The following RNF216 variants were observed in gnomAD, a reference collection of about 807,000 sequenced individuals.
RNF216 encodes the protein ring finger protein 216.
In RNF216, 72 loss-of-function variants were observed where a neutral mutation model predicts 110.8. The observed-to-expected ratio is 0.65, with a 90% confidence interval of 0.54 to 0.79. The LOEUF is 0.79. Ranked by LOEUF, RNF216 falls within the 30% of genes least tolerant of loss-of-function variation. The pLI is 0.00. For missense variants in RNF216, 1,342 were observed against 1,141.2 expected (o/e 1.18, Z -2.54); for synonymous variants, 495 against 407.5 (o/e 1.21, Z -2.59).
At chr7:5,725,753 G>A (rs768796555) in intron 7 of RNF216, among the ~76,000 whole-genome samples, 22 of 151,894 alleles carry the variant, frequency 1.4e-4, no homozygotes, top group East Asian at 3.9e-4. Flanking sequence ...AGGAGGCTGC[G>A]GCAGGAGAAT....
At chr7:5,699,088 G>A (rs940215093) in intron 13 of RNF216, among the ~76,000 whole-genome samples, 2 of 152,074 alleles carry the variant, frequency 1.3e-5, no homozygotes, top group African/African-American at 4.8e-5. Flanking sequence ...ATATACAAAA[G>A]CAGAGGATGT....
At chr7:5,671,400 A>G (rs958625587) in intron 13 of RNF216, among the ~76,000 whole-genome samples, 11 of 152,168 alleles carry the variant, frequency 7.2e-5, no homozygotes, top group African/African-American at 2.4e-4. Flanking sequence ...GAAGCCCTCA[A>G]CTCTGACACC....
intron 15 of RNF216, among the ~76,000 whole-genome samples, chr7:5,635,110 T>C (rs993248905): frequency 6.6e-6 from 1 of 152,136 alleles, no homozygotes; most frequent in Non-Finnish European, 1.5e-5. Context: ...GCTAGTGACC[T>C]ACACATCATC....
chr7:5,741,561 T>C lies in RNF216; in HGVS notation c.456A>G (p.Thr152=). ...TCGGTCCAGGCTTGGGTTCTCTTTC[T>C]GTTTGGCCACTTGGCTTAGTGAATT... ...ISEFTKPSGQ[T]EREPKPGPSH... The change falls in exon 4 of 17, where the codon ACA becomes ACG. Residue 152 remains threonine, a synonymous_variant. Transcript: ENST00000389902. 8 of 1,614,212 alleles carry C rather than the reference T, an allele frequency of 5.0e-6. No individual in the cohort carries two copies. The highest frequency in any genetic ancestry group is 6.8e-6 in the Non-Finnish European group (8 of 1,180,050).
At chr7:5,757,043 A>G (rs1795681559) in intron 2 of RNF216, among the ~76,000 whole-genome samples, 1 of 152,206 alleles carries the variant, frequency 6.6e-6, no homozygotes, top group South Asian at 2.1e-4. Context: ...TTATCATGTA[A>G]TTCAAAATAT....
intron 1 of RNF216, among the ~76,000 whole-genome samples, chr7:5,761,979 A>C (rs1003201511): frequency 6.6e-6 from 1 of 152,206 alleles, no homozygotes; most frequent in African/African-American, 2.4e-5. Context: ...ACTTCCAGGT[A>C]TATCAGCTAA....
At chr7:5,661,451 A>G (rs1469508954) in intron 13 of RNF216, among the ~76,000 whole-genome samples, 1 of 152,184 alleles carries the variant, frequency 6.6e-6, no homozygotes, top group Non-Finnish European at 1.5e-5. Context: ...TTGCATACAC[A>G]TCTCAATCTT....
intron 13 of RNF216, among the ~76,000 whole-genome samples, chr7:5,700,760 C>G (rs1023738160): frequency 6.6e-6 from 1 of 152,114 alleles, no homozygotes; most frequent in Non-Finnish European, 1.5e-5. Context: ...TAGGTGTGTC[C>G]TTCCACAAGG....
intron 13 of RNF216, among the ~76,000 whole-genome samples, chr7:5,674,489 G>A (rs1442868079): frequency 6.6e-6 from 1 of 151,660 alleles, no homozygotes; most frequent in Non-Finnish European, 1.5e-5. Context: ...AAGGCCAGGT[G>A]TGGTGGCACA....
At chr7:5,689,418 C>T (rs993179919) in intron 13 of RNF216, among the ~76,000 whole-genome samples, 1 of 150,400 alleles carries the variant, frequency 6.6e-6, no homozygotes, top group Non-Finnish European at 1.5e-5. Context: ...CATCCAAAGC[C>T]GAGGAGGCAG....
Position 5,731,536 on chromosome 7 carries a change from T to G in RNF216, c.1122-719A>C, listed in dbSNP as rs556281643. The stretch of plus-strand genomic sequence containing the variant: ...TATCACCACCCAGACCCAACACATG[T>G]TAACTATCCAGGCTCTTCACAGTCA... On this transcript the variant is annotated intron_variant, in intron 5 of 16. Transcript: ENST00000389902. 2.2e-3 allele frequency among the ~76,000 whole-genome samples: 328 copies of G among 151,262 alleles called. 12 individuals carry two copies. The highest frequency in any genetic ancestry group is 7.5e-3 in the African/African-American group (303 of 40,670).
chr7:5,750,521 G>A (rs1010710605), intron 3 of RNF216, among the ~76,000 whole-genome samples: 3 of 152,236 alleles, frequency 2.0e-5, no homozygotes, highest in Admixed American at 6.5e-5. Context: ...TTGCAGCACT[G>A]TTCACTGAGT....
At chr7:5,701,254 C>T (rs1791949454) in intron 13 of RNF216, among the ~76,000 whole-genome samples, 1 of 152,228 alleles carries the variant, frequency 6.6e-6, no homozygotes, top group African/African-American at 2.4e-5. Flanking sequence ...TACCCCTTTA[C>T]ATGGCAGAAC....
chr7:5,639,434 G>A (rs988805181), intron 15 of RNF216, among the ~76,000 whole-genome samples: 1 of 151,966 alleles, frequency 6.6e-6, no homozygotes, highest in Non-Finnish European at 1.5e-5. Flanking sequence ...CCAAAGTGCC[G>A]GGATTACACC....
Position 5,761,144 on chromosome 7 carries a change from A to G in RNF216, c.-69-6T>C. On this transcript the variant is annotated splice_polypyrimidine_tract_variant and splice_region_variant and intron_variant, in intron 1 of 16. Transcript: ENST00000389902. ...GACCATCTGTTTCAAAAGAACTGAA[A>G]AGGAAGCAAAGAGTAACAGTAAGAA... 1.2e-6 allele frequency: 1 copy of G among 843,634 alleles called. No individual in the cohort carries two copies. Among genetic ancestry groups the G allele is most frequent in the Non-Finnish European group, 1.9e-6 (1 of 532,764 alleles). The allele number at this position is 843,634 out of a possible 1,614,324, so 52.3% of individuals were successfully genotyped here. A position where few individuals can be genotyped will look rare whatever the true frequency, so the allele number is the denominator to read the frequency against.
chr7:5,623,396 A>G (rs1786511721), intron 16 of RNF216, among the ~76,000 whole-genome samples: 1 of 151,984 alleles, frequency 6.6e-6, no homozygotes, highest in African/African-American at 2.4e-5. Context: ...GGAAGGTGGC[A>G]CGTCCACCCA....
At chr7:5,675,018 T>C (rs1161746788) in intron 13 of RNF216, among the ~76,000 whole-genome samples, 1 of 151,322 alleles carries the variant, frequency 6.6e-6, no homozygotes, top group Non-Finnish European at 1.5e-5. Flanking sequence ...AAACAAACAA[T>C]ATATATATAT....
In RNF216 at chr7:5,729,731, A is replaced by G. The variant is rs550716745; in HGVS notation, c.1225-135T>C. 76 of 761,282 alleles carry G rather than the reference A, an allele frequency of 1.0e-4. No homozygotes were observed. The African/African-American group carries it at 1.2e-3, about 12-fold the overall frequency. 47.2% of individuals were successfully genotyped at this position (761,282 alleles called of 1,614,324 possible). On this transcript the variant is annotated intron_variant, in intron 6 of 16. Transcript: ENST00000389902. ...ACTCTATAAGGAAGTTACCAGCCCTATAAGACAGATGAGAAAACGGTGGCT... is the reference window on the plus strand; with the variant it reads ...ACTCTATAAGGAAGTTACCAGCCCTGTAAGACAGATGAGAAAACGGTGGCT...
intron 1 of RNF216, among the ~76,000 whole-genome samples, chr7:5,769,548 C>T (rs148809597): frequency 0.021 from 3,021 of 146,772 alleles, 45 homozygotes; most frequent in Non-Finnish European, 0.032. Flanking sequence ...CATGGTGAAA[C>T]GCTGTCTCTA....
Sources: gnomAD v4.1 joint callset for allele counts (sites outside exome capture counted in the v4.1 genomes callset) on GRCh38, gnomAD v4.1.1 for gene constraint, MANE v1.5 for transcripts, NCBI Gene and HGNC (gene_info 2026-07-23, HGNC 2026-07-21) for gene names.